Variants in ARHGEF37 observed in about 807,000 individuals in gnomAD.
The protein encoded by ARHGEF37 is Rho guanine nucleotide exchange factor (GEF) 37.
Under a neutral mutation model 71.1 loss-of-function variants are expected in ARHGEF37, and 55 were observed. The observed-to-expected ratio is 0.77, with a 90% CI of 0.62 to 0.97. ARHGEF37 has a LOEUF of 0.97. Ranked by LOEUF, ARHGEF37 falls within the 50% of genes least tolerant of loss-of-function variation. The pLI is 0.00. For missense variants in ARHGEF37, 765 were observed against 836.8 expected, an observed-to-expected ratio of 0.91 and a Z score of 1.06; for synonymous variants, 327 against 350.6, an observed-to-expected ratio of 0.93 and a Z score of 0.75.
At chr5:149,565,297 A>T (rs570347952) in intron 1 of ARHGEF37, among the ~76,000 whole-genome samples, 24 of 152,326 alleles carry the variant, frequency 1.6e-4, no homozygotes, top group Non-Finnish European at 2.2e-4. Context: ...TGGACCGATG[A>T]GCCATGACAG....
intron 1 of ARHGEF37, among the ~76,000 whole-genome samples, chr5:149,562,967 A>G (rs1762852072): frequency 6.6e-6 from 1 of 152,168 alleles, no homozygotes; most frequent in African/African-American, 2.4e-5. Context: ...CTGCAGCTCA[A>G]TAAATCTCAA....
At chr5:149,595,202 G>A (rs1408335833) in intron 1 of ARHGEF37, among the ~76,000 whole-genome samples, 1 of 152,118 alleles carries the variant, frequency 6.6e-6, no homozygotes, top group Non-Finnish European at 1.5e-5. Context: ...TTGAGACAGG[G>A]TCTCGCTCTG....
rs1420046248 is a variant in ARHGEF37 at position 149,624,131 on chromosome 5, C to T, written c.1455C>T (p.Pro485=). The stretch of plus-strand genomic sequence containing the variant: ...CCTTTGAGAAAGTGCAGCCACCTCC[C>T]ACCACACAAGTAAGCATCCTTCCTC... The part of the protein sequence containing the change: ...QETFEKVQPP[P]TTQPLLPGSE... Residue 485 remains proline, a synonymous_variant, in exon 10 of 13, where the codon CCC becomes CCT. Coordinates refer to ENST00000333677, the MANE Select transcript of ARHGEF37 (RefSeq NM_001001669.3). 2.5e-6 allele frequency: 4 copies of T among 1,608,834 alleles called. No homozygotes were observed. The highest frequency in any genetic ancestry group is 3.4e-6 in the Non-Finnish European group (4 of 1,175,782).
chr5:149,623,869 A>G, intron 9 of ARHGEF37, 143 bp from the exon 10 acceptor site: 10 of 1,118,670 alleles, frequency 8.9e-6, no homozygotes, highest in Non-Finnish European at 1.2e-5. Flanking sequence ...CGAAAATGCA[A>G]GAGATCCTGC....
At chr5:149,619,459 A>G (rs1752473614) in intron 7 of ARHGEF37, among the ~76,000 whole-genome samples, 2 of 152,202 alleles carry the variant, frequency 1.3e-5, no homozygotes, top group South Asian at 4.1e-4. Context: ...CAGTGAACTT[A>G]AATATAAAAT....
intron 2 of ARHGEF37, among the ~76,000 whole-genome samples, chr5:149,599,121 C>T (rs1580906459): frequency 6.6e-6 from 1 of 152,170 alleles, no homozygotes; most frequent in African/African-American, 2.4e-5. Flanking sequence ...CCTGATGGAG[C>T]TTTGAAACTA....
At chr5:149,573,171 C>T (rs1224889142) in intron 1 of ARHGEF37, among the ~76,000 whole-genome samples, 2 of 152,154 alleles carry the variant, frequency 1.3e-5, no homozygotes, top group Non-Finnish European at 2.9e-5. Flanking sequence ...TTACTCACTA[C>T]CTTGAGGATG....
chr5:149,580,302 G>GCC (rs139035564), upstream of ARHGEF37, among the ~76,000 whole-genome samples: 9 of 151,190 alleles, frequency 6.0e-5, no homozygotes, highest in South Asian at 2.1e-4. Context: ...CTCGTGATCT[G>GCC]CCCCCCCCTC....
chr5:149,621,597 A>G, intron 8 of ARHGEF37, 136 bp from the exon 9 acceptor site: 1 of 785,934 alleles, frequency 1.3e-6, no homozygotes, highest in Non-Finnish European at 2.1e-6. Flanking sequence ...GAGAAGTTAG[A>G]TAACATGCTA....
chr5:149,621,465 G>A (rs1752537706), intron 8 of ARHGEF37, among the ~76,000 whole-genome samples: 1 of 151,862 alleles, frequency 6.6e-6, no homozygotes, highest in African/African-American at 2.4e-5. Context: ...ACTTTTTCAA[G>A]GTCTTTGCAT....
In ARHGEF37 at chr5:149,563,047, A is replaced by T. The variant is rs1317145624; in HGVS notation, c.-12+10924A>T. 5.9e-5 allele frequency among the ~76,000 whole-genome samples: 9 copies of T among 152,240 alleles called. No homozygotes were observed. The East Asian group carries it at 1.7e-3, about 29-fold the overall frequency. On this transcript the variant is annotated intron_variant, in intron 1 of 2. Transcript: ENST00000505810. ...CTGAATTCCCACAGTTTTGAGAGTC[A>T]GCACCCATCTTCATCGTGTCTGAAT... is the stretch of plus-strand genomic sequence containing the variant.
At position 149,602,516 on chromosome 5, in the gene ARHGEF37, C is replaced by T. The variant is rs114028764; in HGVS notation, c.310+1285C>T. ...AATTTTTTTTTTTTTGAGACGGGATCTCACTCTGTTGCCCAGTCTAGAGTG... is the reference window on the plus strand; with the variant it reads ...AATTTTTTTTTTTTTGAGACGGGATTTCACTCTGTTGCCCAGTCTAGAGTG... On this transcript the variant is annotated intron_variant, in intron 3 of 12. Coordinates refer to ENST00000333677, the MANE Select transcript of ARHGEF37 (RefSeq NM_001001669.3). Among the ~76,000 whole-genome samples, 440 of 150,802 alleles carry T rather than the reference C, an allele frequency of 2.9e-3. 3 individuals carry two copies. The highest frequency in any genetic ancestry group is 0.01 in the African/African-American group (424 of 40,988).
Position 149,632,532 on chromosome 5 carries a change from C to A in ARHGEF37, c.*341C>A. 3.5e-6 allele frequency: 1 copy of A among 288,888 alleles called. No individual in the cohort carries two copies. Among genetic ancestry groups the A allele is most frequent in the East Asian group, 6.6e-5 (1 of 15,094 alleles). The allele number at this position is 288,888 out of a possible 1,614,324, so 17.9% of individuals were successfully genotyped here. A position where few individuals can be genotyped will look rare whatever the true frequency, so the allele number is the denominator to read the frequency against. On this transcript the variant is annotated 3_prime_UTR_variant, in exon 13 of 13. Transcript: ENST00000333677. Reference sequence around the variant, plus strand: ...TAGCTGTGCCTGCATCCGGGCCTGCCTGTGGGCGTGGGTCACACGGGATAA... The same window carrying A: ...TAGCTGTGCCTGCATCCGGGCCTGCATGTGGGCGTGGGTCACACGGGATAA...
intron 6 of ARHGEF37, 151 bp from the exon 7 acceptor site, chr5:149,618,787 G>A: frequency 2.9e-6 from 2 of 690,966 alleles, no homozygotes; most frequent in South Asian, 1.6e-5. Context: ...AAACCACTGA[G>A]CTACACCACC....
At chr5:149,611,306 T>A (rs1204346696) in intron 4 of ARHGEF37, among the ~76,000 whole-genome samples, 1 of 152,184 alleles carries the variant, frequency 6.6e-6, no homozygotes, top group Non-Finnish European at 1.5e-5. Flanking sequence ...ATAGCAGTGA[T>A]GTTTTTGCAA....
intron 3 of ARHGEF37, among the ~76,000 whole-genome samples, chr5:149,605,857 T>TAGAGCC (rs1490252315): frequency 2.0e-5 from 3 of 152,210 alleles, no homozygotes; most frequent in African/African-American, 7.2e-5. Context: ...CCAGCTCTTC[T>TAGAGCC]AGAGCCCTAG....
intron 7 of ARHGEF37, 75 bp from the exon 8 acceptor site, chr5:149,620,279 A>C: frequency 9.3e-7 from 1 of 1,075,098 alleles, no homozygotes; most frequent in Non-Finnish European, 1.4e-6. Context: ...TCTTCAAGGT[A>C]TGGTGGAAGG....
intron 1 of ARHGEF37, among the ~76,000 whole-genome samples, chr5:149,574,471 C>T (rs1264035903): frequency 6.6e-6 from 1 of 152,200 alleles, no homozygotes; most frequent in Non-Finnish European, 1.5e-5. Context: ...CTATTCTTTG[C>T]CGGCTCCCCT....
chr5:149,621,984 G>A lies in ARHGEF37; in HGVS notation c.1257G>A (p.Gln419=). 1 of 1,614,220 alleles carries A rather than the reference G, an allele frequency of 6.2e-7. No homozygotes were observed. The highest frequency in any genetic ancestry group is 1.1e-5 in the South Asian group (1 of 91,088). The change falls in exon 9 of 13, where the codon CAG becomes CAA. Residue 419 remains glutamine (Q), a synonymous_variant. Coordinates refer to ENST00000333677, the MANE Select transcript of ARHGEF37 (RefSeq NM_001001669.3). ...FNQLVMQWLG[Q]IMCTFVTLQR... The stretch of plus-strand genomic sequence containing the variant: ...AGCTGGTCATGCAGTGGCTGGGCCA[G>A]ATCATGTGCACATTCGTGACCCTCC...
Sources: allele counts gnomAD v4.1 joint callset (sites outside exome capture counted in the v4.1 genomes callset), GRCh38; gene constraint gnomAD v4.1.1; transcripts MANE v1.5; gene names NCBI Gene and HGNC (gene_info 2026-07-23, HGNC 2026-07-21).